Variants in RPS6KC1 observed in about 807,000 individuals in gnomAD.
The protein encoded by RPS6KC1 is ribosomal protein S6 kinase C1, also known as inactive ribosomal protein S6 kinase delta-1.
Under a neutral mutation model 103.8 loss-of-function variants are expected in RPS6KC1, and 54 were observed. The ratio of observed to expected loss-of-function variants is 0.52; its 90% CI spans 0.42 to 0.65. The LOEUF is 0.65. Among genes scored for constraint, RPS6KC1 ranks in the 30% least tolerant of loss-of-function variants. The pLI is 0.00. For missense variants in RPS6KC1, 1,151 were observed against 1,253.8 expected (o/e 0.92, Z 1.24); for synonymous variants, 439 against 438.7 (o/e 1.00, Z -0.01).
the RPS6KC1 span, among the ~76,000 whole-genome samples, chr1:213,424,297 T>C: frequency 1.3e-5 from 2 of 152,262 alleles, no homozygotes; most frequent in African/African-American, 4.8e-5. Context: ...TCTTGTTCTT[T>C]CCAAAGGTGG....
At chr1:213,416,086 G>A in the RPS6KC1 span, among the ~76,000 whole-genome samples, 10,218 of 152,270 alleles carry the variant, frequency 0.067, 497 homozygotes, top group Middle Eastern at 0.12. Flanking sequence ...CCGGGGTGAG[G>A]GTGTTGAGGT....
chr1:213,737,830 G>C, the RPS6KC1 span, among the ~76,000 whole-genome samples: 15 of 152,308 alleles, frequency 9.8e-5, no homozygotes, highest in South Asian at 8.3e-4. Context: ...TTCTCCACCT[G>C]GCCAGCCAGG....
the RPS6KC1 span, among the ~76,000 whole-genome samples, chr1:213,621,233 A>T: frequency 1.3e-5 from 2 of 152,204 alleles, no homozygotes; most frequent in Admixed American, 6.5e-5. Context: ...GATTAATGGC[A>T]TTCCCCACTA....
chr1:213,345,093 C>A, the RPS6KC1 span, among the ~76,000 whole-genome samples: 1 of 152,268 alleles, frequency 6.6e-6, no homozygotes, highest in East Asian at 1.9e-4. Context: ...CTATTTGGTT[C>A]TGCAGTGAAT....
At chr1:213,517,915 G>A in the RPS6KC1 span, among the ~76,000 whole-genome samples, 1 of 152,148 alleles carries the variant, frequency 6.6e-6, no homozygotes, top group Non-Finnish European at 1.5e-5. Context: ...GGGTGCTCCT[G>A]TATTGGGTGC....
chr1:213,187,242 T>G (rs554300685), intron 8 of RPS6KC1, among the ~76,000 whole-genome samples: 1 of 150,792 alleles, frequency 6.6e-6, no homozygotes, highest in African/African-American at 2.4e-5. Context: ...AATTTTTTTC[T>G]TCTTCTTCTT....
At chr1:213,674,549 TG>T in the RPS6KC1 span, among the ~76,000 whole-genome samples, 1 of 152,228 alleles carries the variant, frequency 6.6e-6, no homozygotes, top group South Asian at 2.1e-4. Flanking sequence ...TACTGATGAA[TG>T]GCATCTAGGT....
the RPS6KC1 span, among the ~76,000 whole-genome samples, chr1:213,362,570 C>T: frequency 6.6e-6 from 1 of 152,158 alleles, no homozygotes; most frequent in African/African-American, 2.4e-5. Flanking sequence ...AACTGCCATG[C>T]CATGGGCAAA....
chr1:213,716,481 C>T, the RPS6KC1 span, among the ~76,000 whole-genome samples: 1 of 152,140 alleles, frequency 6.6e-6, no homozygotes. Flanking sequence ...CAATCTCAGG[C>T]CTCCTGTGAA....
chr1:213,801,353 A>G, the RPS6KC1 span, among the ~76,000 whole-genome samples: 1 of 152,206 alleles, frequency 6.6e-6, no homozygotes, highest in Non-Finnish European at 1.5e-5. Flanking sequence ...CTAAGACATA[A>G]CTGTAATTCT....
the RPS6KC1 span, among the ~76,000 whole-genome samples, chr1:213,326,735 A>G: frequency 6.6e-6 from 1 of 152,346 alleles, no homozygotes; most frequent in South Asian, 2.1e-4. Flanking sequence ...TAATTGCACA[A>G]AAAAGTTGCA....
chr1:213,733,547 T>A, the RPS6KC1 span, among the ~76,000 whole-genome samples: 1,341 of 124,158 alleles, frequency 0.011, 21 homozygotes, highest in African/African-American at 0.037. Context: ...ATTTTTAGTT[T>A]GTTTTTTTTT....
the RPS6KC1 span, among the ~76,000 whole-genome samples, chr1:213,805,169 G>A: frequency 6.6e-6 from 1 of 152,332 alleles, no homozygotes; most frequent in East Asian, 1.9e-4. Context: ...TCCAGTTGAT[G>A]ACTGCTGACT....
the RPS6KC1 span, among the ~76,000 whole-genome samples, chr1:213,633,017 GA>G: frequency 6.6e-6 from 1 of 151,800 alleles, no homozygotes; most frequent in African/African-American, 2.4e-5. Flanking sequence ...AAAAAGAAAC[GA>G]ACAAAGCCTC....
intron 4 of RPS6KC1, among the ~76,000 whole-genome samples, chr1:213,113,793 C>T (rs1482463703): frequency 6.6e-6 from 1 of 152,018 alleles, no homozygotes; most frequent in African/African-American, 2.4e-5. Flanking sequence ...GCCAGTTTTC[C>T]CAGCACCATT....
chr1:213,791,604 A>G, the RPS6KC1 span, among the ~76,000 whole-genome samples: 34,966 of 151,950 alleles, frequency 0.23, 6,527 homozygotes, highest in African/African-American at 0.5. Flanking sequence ...AAGAGGGAGG[A>G]AGGAATAGTG....
chr1:213,152,968 G>A (rs1479297944), intron 6 of RPS6KC1, among the ~76,000 whole-genome samples: 1 of 152,258 alleles, frequency 6.6e-6, no homozygotes, highest in Admixed American at 6.5e-5. Context: ...CTGAGTGAAC[G>A]AGACTCCATC....
intron 12 of RPS6KC1, among the ~76,000 whole-genome samples, chr1:213,255,939 T>G (rs2094633408): frequency 6.6e-6 from 1 of 152,258 alleles, no homozygotes; most frequent in Non-Finnish European, 1.5e-5. Flanking sequence ...AATTTCACAT[T>G]AATTAATGAA....
At chr1:213,431,651 GTGTA>G in the RPS6KC1 span, among the ~76,000 whole-genome samples, 22 of 123,976 alleles carry the variant, frequency 1.8e-4, no homozygotes, top group African/African-American at 6.2e-4. Flanking sequence ...CATTGTTTGT[GTGTA>G]TGTGTGTGTG....
Sources: allele counts gnomAD v4.1 joint callset (sites outside exome capture counted in the v4.1 genomes callset), GRCh38; gene constraint gnomAD v4.1.1; transcripts MANE v1.5; gene names NCBI Gene and HGNC (gene_info 2026-07-23, HGNC 2026-07-21).